Variants in CACNA1C observed in about 807,000 individuals in gnomAD.
CACNA1C encodes the protein voltage-dependent L-type calcium channel subunit alpha-1C.
In CACNA1C, 30 loss-of-function variants were observed where a neutral mutation model predicts 229.0. The observed-to-expected ratio is 0.13, with a 90% confidence interval of 0.10 to 0.18. The LOEUF (loss-of-function observed/expected upper bound fraction) is 0.18, where lower values mean the gene tolerates loss of function less well. CACNA1C is among the 10% of genes least tolerant of loss of function. CACNA1C has a pLI of 1.00. For missense variants in CACNA1C, 1,658 were observed against 2,845.0 expected, an observed-to-expected ratio of 0.58 and a Z score of 9.49; for synonymous variants, 1,114 against 1,132.5, an observed-to-expected ratio of 0.98 and a Z score of 0.33.
intron 13 of CACNA1C, among the ~76,000 whole-genome samples, chr12:2,574,910 G>T (rs967781106): frequency 6.6e-6 from 1 of 152,208 alleles, no homozygotes; most frequent in African/African-American, 2.4e-5. Context: ...TATGGGAATG[G>T]ACTGGTGTCA....
chr12:2,496,419 A>G (rs918452642), intron 7 of CACNA1C, among the ~76,000 whole-genome samples: 2 of 152,334 alleles, frequency 1.3e-5, no homozygotes, highest in South Asian at 2.1e-4. Flanking sequence ...CCAGAGCTCC[A>G]TTCATTCTAA....
chr12:2,128,761 C>T (rs542182229), intron 3 of CACNA1C, among the ~76,000 whole-genome samples: 3 of 152,224 alleles, frequency 2.0e-5, no homozygotes, highest in Non-Finnish European at 4.4e-5. Flanking sequence ...ACAACAGCAA[C>T]AGACACTACT....
rs2097024951 is a variant in CACNA1C, at chr12:2,346,410, C to A, written c.478-102566C>A. 6.6e-6 allele frequency among the ~76,000 whole-genome samples: 1 copy of A among 152,086 alleles called. No homozygotes were observed. Among genetic ancestry groups the A allele is most frequent in the Non-Finnish European group, 1.5e-5 (1 of 68,024 alleles). On this transcript the variant is annotated intron_variant, in intron 3 of 46. Transcript: ENST00000399655. This position sits in a 1 kb window ranked among gnomAD's most constrained non-coding sequence, Gnocchi z 4.4. ...TGTGTTTGGGCAAGACTGTGTTCCA[C>A]CCCCTTCCCCAGGCTTGGGACAAGC...
intron 39 of CACNA1C, 134 bp from the exon 40 acceptor site, chr12:2,676,960 C>A: frequency 1.5e-6 from 1 of 671,784 alleles, no homozygotes. Context: ...TCTTTTTAAG[C>A]CATGTGAATG....
intron 8 of CACNA1C, among the ~76,000 whole-genome samples, 188 bp downstream of exon 8, chr12:2,505,133 G>A (rs1181905105): frequency 2.6e-5 from 4 of 152,070 alleles, no homozygotes; most frequent in Admixed American, 6.6e-5. Context: ...TCTTGGTGGT[G>A]GACAATGGAG....
chr12:2,084,911 G>T (rs2154063521), intron 1 of CACNA1C, among the ~76,000 whole-genome samples: 1 of 152,268 alleles, frequency 6.6e-6, no homozygotes, highest in South Asian at 2.1e-4. Context: ...CATCTCGTTA[G>T]TGTGGACCAT....
Position 2,513,092 on chromosome 12 carries a change from G to A in CACNA1C, c.1390+108G>A, listed in dbSNP as rs1231090975. Reference sequence around the variant, plus strand: ...CCACCCTTTCTTAGAAGCCCACGGGGTGCCTTCCTGGAGCAGCAGTTATCT... The same window carrying A: ...CCACCCTTTCTTAGAAGCCCACGGGATGCCTTCCTGGAGCAGCAGTTATCT... On this transcript the variant is annotated intron_variant, in intron 9 of 46. Transcript: ENST00000399655. 4 of 814,814 alleles carry A rather than the reference G, an allele frequency of 4.9e-6. No individual in the cohort carries two copies. The East Asian group carries it at 8.4e-5, about 17-fold the overall frequency. 50.5% of individuals were successfully genotyped at this position (814,814 alleles called of 1,614,324 possible).
chr12:2,390,374 CT>C (rs1594984407), intron 3 of CACNA1C, among the ~76,000 whole-genome samples: 1 of 152,164 alleles, frequency 6.6e-6, no homozygotes, highest in East Asian at 1.9e-4. Context: ...CCGAGAGACT[CT>C]TTTTTGGCTA....
At chr12:2,483,164 C>G (rs982956708) in intron 5 of CACNA1C, among the ~76,000 whole-genome samples, 1 of 152,162 alleles carries the variant, frequency 6.6e-6, no homozygotes. Context: ...GAGCCGCGTG[C>G]GCTGGGATTG....
intron 9 of CACNA1C, among the ~76,000 whole-genome samples, chr12:2,546,033 G>A (rs138580293): frequency 6.6e-6 from 1 of 152,214 alleles, no homozygotes; most frequent in Non-Finnish European, 1.5e-5. Context: ...GCAGTGGCTG[G>A]TGTCTTCACA....
chr12:2,425,568 C>T (rs2099022169), intron 3 of CACNA1C, among the ~76,000 whole-genome samples: 1 of 152,198 alleles, frequency 6.6e-6, no homozygotes, highest in African/African-American at 2.4e-5. Context: ...TTTGAGAAAA[C>T]TGAACCAAAG....
chr12:2,033,711 A>G (rs915569546), intron 1 of CACNA1C, among the ~76,000 whole-genome samples: 1 of 152,224 alleles, frequency 6.6e-6, no homozygotes, highest in East Asian at 1.9e-4. Context: ...CCCAGGTCAA[A>G]TCTCCAGCAA....
At chr12:2,650,844 G>T (rs548960771) in intron 31 of CACNA1C, among the ~76,000 whole-genome samples, 42 of 152,248 alleles carry the variant, frequency 2.8e-4, no homozygotes, top group Non-Finnish European at 5.1e-4. Flanking sequence ...AGCCTCACTT[G>T]CAAGGGAGGC....
chr12:2,004,563 A>T, intron 1 of CACNA1C: 2 of 1,314,412 alleles, frequency 1.5e-6, no homozygotes, highest in Non-Finnish European at 2.0e-6. Flanking sequence ...GGCTCCAGTC[A>T]CCCCCACCCT....
At chr12:2,355,835 C>T (rs563125850) in intron 3 of CACNA1C, among the ~76,000 whole-genome samples, 1 of 152,226 alleles carries the variant, frequency 6.6e-6, no homozygotes, top group African/African-American at 2.4e-5. Context: ...GATGGGACAG[C>T]CCCACCCCAG....
At chr12:2,545,419 A>G (rs1020981110) in intron 9 of CACNA1C, among the ~76,000 whole-genome samples, 4 of 151,910 alleles carry the variant, frequency 2.6e-5, no homozygotes, top group African/African-American at 9.7e-5. Context: ...TATGCTCCTC[A>G]TCTTCTTCAT....
chr12:2,195,061 CTGAA>C (rs1482253019), intron 3 of CACNA1C, among the ~76,000 whole-genome samples: 1 of 152,132 alleles, frequency 6.6e-6, no homozygotes, highest in Non-Finnish European at 1.5e-5. Context: ...ATACACTTCC[CTGAA>C]TGAAAGAAGA....
intron 3 of CACNA1C, among the ~76,000 whole-genome samples, chr12:2,313,410 T>C (rs553633295): frequency 6.6e-6 from 1 of 152,298 alleles, no homozygotes; most frequent in Admixed American, 6.5e-5. Flanking sequence ...GTGGGGGCTT[T>C]GAGTTTAATT....
chr12:2,419,153 G>T (rs907034706), intron 3 of CACNA1C, among the ~76,000 whole-genome samples: 2 of 152,146 alleles, frequency 1.3e-5, no homozygotes, highest in East Asian at 1.9e-4. Flanking sequence ...AATACCTGAG[G>T]CTGGGTAATT....
Sources: allele counts gnomAD v4.1 joint callset (sites outside exome capture counted in the v4.1 genomes callset), GRCh38; gene constraint gnomAD v4.1.1; non-coding constraint Gnocchi (gnomAD v3.1); transcripts MANE v1.5; gene names NCBI Gene and HGNC (gene_info 2026-07-23, HGNC 2026-07-21).